The following SLC2A13 variants were observed in gnomAD, a reference collection of about 807,000 sequenced individuals.
The protein encoded by SLC2A13 is solute carrier family 2 member 13, also known as proton myo-inositol cotransporter.
SLC2A13 carries 32 observed loss-of-function variants against 64.4 expected under a neutral mutation model. That is an observed-to-expected ratio of 0.50 (90% CI 0.37 to 0.67). The LOEUF is 0.67. Among genes scored for constraint, SLC2A13 ranks in the 30% least tolerant of loss-of-function variants. The pLI, the probability that SLC2A13 is intolerant of heterozygous loss-of-function variation, is 0.00. For missense variants in SLC2A13, 743 were observed against 829.2 expected (o/e 0.90, Z 1.28); for synonymous variants, 338 against 327.1 (o/e 1.03, Z -0.36).
chr12:39,929,112 T>C (rs1447748280), intron 4 of SLC2A13, among the ~76,000 whole-genome samples: 1 of 152,106 alleles, frequency 6.6e-6, no homozygotes, highest in African/African-American at 2.4e-5. Flanking sequence ...ATTTATGGCA[T>C]TAAAAATTCT....
chr12:39,833,245 T>C (rs1942907993), intron 6 of SLC2A13, among the ~76,000 whole-genome samples: 1 of 152,150 alleles, frequency 6.6e-6, no homozygotes, highest in Non-Finnish European at 1.5e-5. Flanking sequence ...AAAAATGATA[T>C]GGCCTGCAAA....
intron 6 of SLC2A13, among the ~76,000 whole-genome samples, chr12:39,834,678 T>C (rs529069787): frequency 6.6e-6 from 1 of 152,152 alleles, no homozygotes; most frequent in South Asian, 2.1e-4. Context: ...GTGTGGGAAC[T>C]GTATTTGTGC....
intron 7 of SLC2A13, among the ~76,000 whole-genome samples, chr12:39,789,393 T>G (rs1941299299): frequency 6.6e-6 from 1 of 152,176 alleles, no homozygotes; most frequent in Admixed American, 6.5e-5. Flanking sequence ...CAGTTTATTT[T>G]GAGTGCATCA....
At position 39,830,091 on chromosome 12, in the gene SLC2A13, T is replaced by C. The variant is rs1177868982; in HGVS notation, c.1445+12A>G. On this transcript the variant is annotated intron_variant, in intron 7 of 9. Coordinates refer to ENST00000280871, the MANE Select transcript of SLC2A13 (RefSeq NM_052885.4). ...ATTATTATATATTCGTATGGTAAAA[T>C]GAGTGATATACCTGCCCCAGGCTGC... 1 of 1,613,256 alleles carries C rather than the reference T, an allele frequency of 6.2e-7. No homozygotes were observed. The highest frequency in any genetic ancestry group is 1.3e-5 in the African/African-American group (1 of 74,882).
intron 7 of SLC2A13, among the ~76,000 whole-genome samples, chr12:39,804,971 G>A (rs907975239): frequency 3.9e-5 from 6 of 152,152 alleles, no homozygotes; most frequent in Non-Finnish European, 8.8e-5. Context: ...GCACTTGCTT[G>A]GAAAGTGCCA....
At chr12:40,053,704 G>T (rs904880461) in intron 1 of SLC2A13, among the ~76,000 whole-genome samples, 5 of 152,144 alleles carry the variant, frequency 3.3e-5, no homozygotes, top group African/African-American at 1.2e-4. Flanking sequence ...TGTATAATTT[G>T]GGACTAGGCA....
chr12:40,032,950 A>T (rs1947926324), intron 2 of SLC2A13, among the ~76,000 whole-genome samples: 2 of 152,202 alleles, frequency 1.3e-5, no homozygotes, highest in Admixed American at 1.3e-4. Context: ...TGAATGCACA[A>T]TCTCAGCATA....
intron 6 of SLC2A13, among the ~76,000 whole-genome samples, chr12:39,858,491 C>T (rs1424563342): frequency 6.6e-6 from 1 of 152,148 alleles, no homozygotes; most frequent in Non-Finnish European, 1.5e-5. Flanking sequence ...TTTCAATTCA[C>T]AGCATAATAT....
chr12:39,941,972 T>G (rs1452914717), intron 4 of SLC2A13, among the ~76,000 whole-genome samples: 1 of 152,210 alleles, frequency 6.6e-6, no homozygotes, highest in African/African-American at 2.4e-5. Flanking sequence ...AGGATGTCCT[T>G]TCTCCACTTT....
At chr12:39,997,335 G>A (rs1363564436) in intron 3 of SLC2A13, among the ~76,000 whole-genome samples, 2 of 152,196 alleles carry the variant, frequency 1.3e-5, no homozygotes, top group Non-Finnish European at 2.9e-5. Flanking sequence ...CTAGCCATGT[G>A]TAAGAGAATG....
intron 3 of SLC2A13, among the ~76,000 whole-genome samples, chr12:40,005,821 T>G (rs1174007206): frequency 2.0e-5 from 3 of 152,204 alleles, no homozygotes; most frequent in African/African-American, 7.2e-5. Context: ...AGGGGTATCC[T>G]GGAATCAAGC....
At chr12:39,798,048 G>C (rs1391376293) in intron 7 of SLC2A13, among the ~76,000 whole-genome samples, 1 of 152,140 alleles carries the variant, frequency 6.6e-6, no homozygotes, top group East Asian at 1.9e-4. Flanking sequence ...AGATATGATG[G>C]TGTCTGTCAG....
chr12:40,054,687 C>A (rs1948309025), intron 1 of SLC2A13, among the ~76,000 whole-genome samples: 1 of 152,234 alleles, frequency 6.6e-6, no homozygotes, highest in Non-Finnish European at 1.5e-5. Flanking sequence ...GATTCACCAT[C>A]TCAACAGCAC....
intron 7 of SLC2A13, among the ~76,000 whole-genome samples, chr12:39,775,939 C>T (rs965761206): frequency 1.3e-5 from 2 of 152,144 alleles, no homozygotes; most frequent in Non-Finnish European, 2.9e-5. Flanking sequence ...TTCCTTTGAG[C>T]ATCATGTCAG....
At chr12:39,776,384 C>T (rs989198736) in intron 7 of SLC2A13, among the ~76,000 whole-genome samples, 1 of 152,214 alleles carries the variant, frequency 6.6e-6, no homozygotes, top group African/African-American at 2.4e-5. Flanking sequence ...CCTGCCTGGC[C>T]ATAACTATGT....
In SLC2A13 at chr12:39,990,030, A is replaced by T. The variant is rs191752440; in HGVS notation, c.925+38271T>A. 8.7e-4 allele frequency among the ~76,000 whole-genome samples: 133 copies of T among 152,302 alleles called. No individual in the cohort carries two copies. In the East Asian group the frequency reaches 0.019, roughly 22 times the overall value. Reference sequence around the variant, plus strand: ...TAGGACTATAGCTCTAATTTTTAACAGGAAGCCAGTGAGGAGAAAATATTA... The same window carrying T: ...TAGGACTATAGCTCTAATTTTTAACTGGAAGCCAGTGAGGAGAAAATATTA... On this transcript the variant is annotated intron_variant, in intron 3 of 9. Transcript: ENST00000280871.
At chr12:39,809,732 C>T (rs4545632) in intron 7 of SLC2A13, among the ~76,000 whole-genome samples, 118,413 of 151,794 alleles carry the variant, frequency 0.78, 46,388 homozygotes, top group Non-Finnish European at 0.82. Flanking sequence ...GTTCAGTTCC[C>T]ACCTATGAGT....
chr12:39,960,764 T>TC (rs1555142981), intron 3 of SLC2A13, among the ~76,000 whole-genome samples: 166 of 144,486 alleles, frequency 1.1e-3, no homozygotes, highest in African/African-American at 4.1e-3. Context: ...TTTTTTTTTT[T>TC]CAAGACAGAG....
At chr12:39,975,560 C>T (rs1946743678) in intron 3 of SLC2A13, among the ~76,000 whole-genome samples, 1 of 152,190 alleles carries the variant, frequency 6.6e-6, no homozygotes, top group East Asian at 1.9e-4. Flanking sequence ...CTAATTAAAG[C>T]TTCCCATTGC....
Sources: allele counts gnomAD v4.1 joint callset (sites outside exome capture counted in the v4.1 genomes callset), GRCh38; gene constraint gnomAD v4.1.1; transcripts MANE v1.5; gene names NCBI Gene and HGNC (gene_info 2026-07-23, HGNC 2026-07-21).